Variants in PPP1R9A observed in about 807,000 individuals in gnomAD.
PPP1R9A encodes the protein protein phosphatase 1 regulatory subunit 9A, also known as neurabin-1.
A neutral mutation model predicts 141.9 loss-of-function variants in PPP1R9A; 59 were observed. The ratio of observed to expected loss-of-function variants is 0.42; its 90% confidence interval spans 0.34 to 0.52. The LOEUF is 0.52. Ranked by LOEUF, PPP1R9A falls within the 20% of genes least tolerant of loss-of-function variation. The probability of loss-of-function intolerance (pLI) is 0.10; values close to 1 mark genes in which losing one functional copy is unlikely to be tolerated. For synonymous variants in PPP1R9A, 500 were observed against 569.7 expected, an observed-to-expected ratio of 0.88 and a Z score of 1.74; for missense variants, 1,444 against 1,611.9, an observed-to-expected ratio of 0.90 and a Z score of 1.78.
intron 16 of PPP1R9A, among the ~76,000 whole-genome samples, chr7:95,282,534 C>T (rs1414812771): frequency 1.3e-5 from 2 of 152,110 alleles, no homozygotes; most frequent in African/African-American, 4.8e-5. Context: ...TGTTTACATC[C>T]CAAAGGGTCA....
chr7:94,945,489 C>T (rs1795798954), intron 2 of PPP1R9A, among the ~76,000 whole-genome samples: 1 of 151,928 alleles, frequency 6.6e-6, no homozygotes, highest in Admixed American at 6.6e-5. Flanking sequence ...GAAAAATTAC[C>T]AGTCTTTCAT....
intron 4 of PPP1R9A, among the ~76,000 whole-genome samples, chr7:95,134,277 A>C (rs1389292279): frequency 6.6e-6 from 1 of 151,806 alleles, no homozygotes. Context: ...ATGAGAATAC[A>C]TGGACACAGG....
At chr7:95,034,570 C>G (rs2151842841) in intron 2 of PPP1R9A, among the ~76,000 whole-genome samples, 1 of 152,224 alleles carries the variant, frequency 6.6e-6, no homozygotes, top group South Asian at 2.1e-4. Flanking sequence ...TCCAGCTGGT[C>G]TCGAACTCCT....
At chr7:94,947,737 T>G (rs1288168402) in intron 2 of PPP1R9A, among the ~76,000 whole-genome samples, 1 of 152,154 alleles carries the variant, frequency 6.6e-6, no homozygotes, top group African/African-American at 2.4e-5. Flanking sequence ...GTGTTTAATG[T>G]TTTGAGTATA....
At chr7:95,044,866 CCT>C (rs1462026562) in intron 2 of PPP1R9A, among the ~76,000 whole-genome samples, 1 of 151,708 alleles carries the variant, frequency 6.6e-6, no homozygotes, top group Non-Finnish European at 1.5e-5. Flanking sequence ...AGCCACTGTG[CCT>C]GACCTCAGTC....
chr7:95,045,556 T>A (rs1346812543), intron 2 of PPP1R9A, among the ~76,000 whole-genome samples: 1 of 152,232 alleles, frequency 6.6e-6, no homozygotes, highest in East Asian at 1.9e-4. Flanking sequence ...ATTTTGTCTC[T>A]TAATGCACAT....
chr7:95,190,189 G>A lies in PPP1R9A; in HGVS notation c.1755-8160G>A, dbSNP rs137987006. Among the ~76,000 whole-genome samples, 833 of 152,306 alleles carry A rather than the reference G, an allele frequency of 5.5e-3. 7 individuals are homozygous for A. Among genetic ancestry groups the A allele is most frequent in the African/African-American group, 0.019 (786 of 41,568 alleles). Reference sequence around the variant, plus strand: ...AAAAATATGGAACTCAAGGGCTGCTGTTCAGATTCTTTTGTCCCATGGGTG... The same window carrying A: ...AAAAATATGGAACTCAAGGGCTGCTATTCAGATTCTTTTGTCCCATGGGTG... On this transcript the variant is annotated intron_variant, in intron 5 of 19. Transcript: ENST00000433360.
chr7:95,221,917 G>A (rs765881107), intron 7 of PPP1R9A, among the ~76,000 whole-genome samples: 6 of 152,008 alleles, frequency 3.9e-5, no homozygotes, highest in Non-Finnish European at 8.8e-5. Flanking sequence ...ATTAAAAGAT[G>A]AGCAAATAAA....
intron 2 of PPP1R9A, among the ~76,000 whole-genome samples, chr7:95,070,658 A>C (rs532808868): frequency 1.5e-5 from 2 of 134,664 alleles, no homozygotes; most frequent in African/African-American, 2.8e-5. Context: ...ATGAAGTAAG[A>C]CTTTTGTCAG....
At chr7:95,263,924 A>C (rs551041056) in intron 12 of PPP1R9A, among the ~76,000 whole-genome samples, 71 of 152,278 alleles carry the variant, frequency 4.7e-4, no homozygotes, top group Non-Finnish European at 9.3e-4. Context: ...CTATTAATGC[A>C]TATATAATCT....
At chr7:95,274,057 C>A (rs746765081) in intron 15 of PPP1R9A, 28 bp from the exon 16 acceptor site, 3 of 1,518,330 alleles carry the variant, frequency 2.0e-6, no homozygotes, top group Non-Finnish European at 2.7e-6. Flanking sequence ...TTCAGCTTCC[C>A]CTTTCTGACT....
chr7:95,221,823 A>T (rs1453093353), intron 7 of PPP1R9A, among the ~76,000 whole-genome samples: 1 of 152,060 alleles, frequency 6.6e-6, no homozygotes, highest in Non-Finnish European at 1.5e-5. Flanking sequence ...TTCATACACT[A>T]TATGTTATGG....
intron 2 of PPP1R9A, among the ~76,000 whole-genome samples, chr7:94,973,160 GA>G (rs756307069): frequency 3.3e-5 from 5 of 152,054 alleles, no homozygotes; most frequent in Non-Finnish European, 5.9e-5. Flanking sequence ...GTGAAAACAA[GA>G]AACCTCCACA....
chr7:95,247,012 T>C (rs1057390690), intron 8 of PPP1R9A, among the ~76,000 whole-genome samples: 2 of 152,154 alleles, frequency 1.3e-5, no homozygotes, highest in African/African-American at 4.8e-5. Flanking sequence ...GAGCTGCTGA[T>C]CAGAATGTGC....
chr7:94,940,296 A>G (rs1563021457), intron 2 of PPP1R9A, among the ~76,000 whole-genome samples: 2 of 151,422 alleles, frequency 1.3e-5, no homozygotes, highest in Non-Finnish European at 2.9e-5. Flanking sequence ...CATCTCTCAT[A>G]TTTTTTTTCC....
At chr7:95,048,744 A>G (rs576179976) in intron 2 of PPP1R9A, among the ~76,000 whole-genome samples, 2 of 152,114 alleles carry the variant, frequency 1.3e-5, no homozygotes, top group South Asian at 2.1e-4. Flanking sequence ...ACGGGGTTTC[A>G]CTATGCCGGT....
At chr7:95,006,673 G>A (rs1472639021) in intron 2 of PPP1R9A, among the ~76,000 whole-genome samples, 1 of 152,002 alleles carries the variant, frequency 6.6e-6, no homozygotes, top group East Asian at 1.9e-4. Flanking sequence ...GTAAACTACT[G>A]AGAAAAAATA....
chr7:95,182,817 G>A (rs1315239781), intron 5 of PPP1R9A, among the ~76,000 whole-genome samples: 1 of 152,126 alleles, frequency 6.6e-6, no homozygotes, highest in African/African-American at 2.4e-5. Context: ...GAGAGAAAGA[G>A]TAAAACCAGC....
intron 1 of PPP1R9A, chr7:94,907,938 G>C (rs1429047436): frequency 6.8e-6 from 1 of 147,730 alleles, no homozygotes; most frequent in Non-Finnish European, 1.5e-5. Flanking sequence ...CGCGGGCAGG[G>C]AGCGCCTGGG....
Sources: gnomAD v4.1 joint callset for allele counts (sites outside exome capture counted in the v4.1 genomes callset) on GRCh38, gnomAD v4.1.1 for gene constraint, MANE v1.5 for transcripts, NCBI Gene and HGNC (gene_info 2026-07-23, HGNC 2026-07-21) for gene names.